DPH6: variants seen among roughly 807,000 people sequenced by gnomAD.
The protein encoded by DPH6 is diphthamine biosynthesis 6.
A neutral mutation model predicts 38.2 loss-of-function variants in DPH6; 33 were observed. The ratio of observed to expected loss-of-function variants is 0.86; its 90% CI spans 0.65 to 1.15. DPH6 has a LOEUF of 1.15. DPH6 is among the 50% of genes most tolerant of loss of function. DPH6 has a pLI of 0.00. For missense variants in DPH6, 325 were observed against 320.0 expected, an observed-to-expected ratio of 1.02 and a Z score of -0.12; for synonymous variants, 108 against 103.0, an observed-to-expected ratio of 1.05 and a Z score of -0.30.
At chr15:35,212,066 G>C in the DPH6 span, among the ~76,000 whole-genome samples, 1 of 152,300 alleles carries the variant, frequency 6.6e-6, no homozygotes, top group African/African-American at 2.4e-5. Flanking sequence ...TGAGTGTTTT[G>C]AAATATGGAC....
intron 5 of DPH6, among the ~76,000 whole-genome samples, chr15:35,428,710 T>C (rs1032731382): frequency 2.6e-5 from 4 of 152,118 alleles, no homozygotes; most frequent in Non-Finnish European, 4.4e-5. Context: ...TCAAACATTG[T>C]GAATTGCTAT....
chr15:35,471,005 G>A (rs1157112566), intron 3 of DPH6, among the ~76,000 whole-genome samples: 4 of 151,996 alleles, frequency 2.6e-5, no homozygotes, highest in Non-Finnish European at 5.9e-5. Context: ...GAGTTAAAAA[G>A]CTCAGCTTTA....
At chr15:35,481,525 C>A (rs1284618616) in intron 3 of DPH6, among the ~76,000 whole-genome samples, 1 of 151,926 alleles carries the variant, frequency 6.6e-6, no homozygotes, top group African/African-American at 2.4e-5. Context: ...ATCTGTAAAA[C>A]AATTTAAAAT....
chr15:35,265,876 T>A (rs2051780981), intron 3 of DPH6, among the ~76,000 whole-genome samples: 2 of 152,208 alleles, frequency 1.3e-5, no homozygotes, highest in Non-Finnish European at 2.9e-5. Flanking sequence ...CATTATAGTG[T>A]CACTGATTCA....
At chr15:35,484,077 A>G (rs2141156433) in intron 3 of DPH6, among the ~76,000 whole-genome samples, 1 of 152,346 alleles carries the variant, frequency 6.6e-6, no homozygotes. Flanking sequence ...AATTGTGGAC[A>G]TGATGGCACA....
intron 3 of DPH6, among the ~76,000 whole-genome samples, chr15:35,350,345 G>T (rs2052499379): frequency 7.0e-6 from 1 of 142,512 alleles, no homozygotes. Flanking sequence ...TCTTAGTCTA[G>T]CTAAGGGTTT....
chr15:35,390,147 C>CT (rs2053033459), intron 6 of DPH6, among the ~76,000 whole-genome samples: 1 of 152,128 alleles, frequency 6.6e-6, no homozygotes, highest in African/African-American at 2.4e-5. Flanking sequence ...AAATTCTTTT[C>CT]TTTAAGAATG....
intron 1 of DPH6, among the ~76,000 whole-genome samples, chr15:35,543,888 G>A (rs2055302513): frequency 6.6e-6 from 1 of 152,204 alleles, no homozygotes; most frequent in South Asian, 2.1e-4. Context: ...ATTAAAGACT[G>A]AAGGGTGTGC....
chr15:35,281,104 C>A (rs1053110603), intron 3 of DPH6, among the ~76,000 whole-genome samples: 2 of 151,982 alleles, frequency 1.3e-5, no homozygotes, highest in African/African-American at 4.8e-5. Context: ...TCTCTCCCCC[C>A]TCCCCCCACA....
At chr15:35,419,068 T>TACAC (rs145718698) in intron 5 of DPH6, among the ~76,000 whole-genome samples, 1,941 of 145,030 alleles carry the variant, frequency 0.013, 20 homozygotes, top group African/African-American at 0.022. Flanking sequence ...CACACACACA[T>TACAC]ACACACACAC....
intron 3 of DPH6, among the ~76,000 whole-genome samples, chr15:35,533,151 C>T (rs748399877): frequency 1.3e-5 from 2 of 151,160 alleles, no homozygotes; most frequent in African/African-American, 2.4e-5. Flanking sequence ...CAAGTTGAAA[C>T]CCACACATTT....
chr15:35,369,617 A>G (rs2140917582), downstream of DPH6, among the ~76,000 whole-genome samples: 1 of 139,480 alleles, frequency 7.2e-6, no homozygotes, highest in East Asian at 2.1e-4. Context: ...AAAGCCTGTT[A>G]TATGAAAAAA....
intron 6 of DPH6, among the ~76,000 whole-genome samples, chr15:35,398,353 C>T (rs951558913): frequency 1.3e-5 from 2 of 152,104 alleles, no homozygotes; most frequent in Non-Finnish European, 2.9e-5. Flanking sequence ...AACTTATAGC[C>T]CTATCCCCTA....
At chr15:35,386,406 C>T (rs1352059683) in intron 6 of DPH6, among the ~76,000 whole-genome samples, 1 of 152,204 alleles carries the variant, frequency 6.6e-6, no homozygotes, top group East Asian at 1.9e-4. Context: ...AGTTCTAGAT[C>T]CCTGAGGAGT....
intron 5 of DPH6, among the ~76,000 whole-genome samples, chr15:35,437,308 T>TCTTTTTC (rs1053183268): frequency 6.6e-6 from 1 of 152,138 alleles, no homozygotes; most frequent in Non-Finnish European, 1.5e-5. Flanking sequence ...AAAAATGTCT[T>TCTTTTTC]CTTTTTCCTT....
intron 3 of DPH6, among the ~76,000 whole-genome samples, chr15:35,482,192 T>A (rs912641393): frequency 6.6e-6 from 1 of 152,150 alleles, no homozygotes; most frequent in African/African-American, 2.4e-5. Flanking sequence ...GCAAACGAAC[T>A]GAAAAAACCA....
chr15:35,240,580 C>A lies in DPH6; in HGVS notation n.201-19998G>T, dbSNP rs572881284. ...TTTCATTCTGTGACTAGCCCTCCCC[C>A]ACCTGCCCAGCAATTTACTCTTAAA... On this transcript the variant is annotated intron_variant and non_coding_transcript_variant, in intron 3 of 3. Coordinates refer to the DPH6 transcript ENST00000560386. Among the ~76,000 whole-genome samples, 3 of 143,758 alleles carry A rather than the reference C, an allele frequency of 2.1e-5. 1 individual carries two copies. Among genetic ancestry groups the A allele is most frequent in the Non-Finnish European group, 4.6e-5 (3 of 65,538 alleles). 94.3% of individuals were successfully genotyped at this position (143,758 alleles called of 152,430 possible). A position where few individuals can be genotyped will look rare whatever the true frequency, so the allele number is the denominator to read the frequency against.
intron 3 of DPH6, among the ~76,000 whole-genome samples, chr15:35,359,963 A>T (rs2052599791): frequency 6.6e-6 from 1 of 151,570 alleles, no homozygotes; most frequent in African/African-American, 2.4e-5. Context: ...AGCTTATTAA[A>T]CTTCTTTAAA....
At position 35,450,719 on chromosome 15, in the gene DPH6, G is replaced by A. The variant is rs1384415998; in HGVS notation, c.471C>T (p.Asn157=). The change falls in exon 5 of 9, where the codon AAC becomes AAT. Residue 157 remains asparagine, a synonymous_variant. Coordinates refer to ENST00000256538, the MANE Select transcript of DPH6 (RefSeq NM_080650.4). ...CTACTTTGATGATCATTGCTTGAAT[G>A]TTAGATGATATCATCTCTCTGAGCA... is the stretch of plus-strand genomic sequence containing the variant. The part of the protein sequence containing the change: ...EDLLREMISS[N]IQAMIIKVAA... 1.2e-6 allele frequency: 2 copies of A among 1,613,212 alleles called. No homozygotes were observed. The highest frequency in any genetic ancestry group is 1.7e-6 in the Non-Finnish European group (2 of 1,179,602).
Sources: allele counts gnomAD v4.1 joint callset (sites outside exome capture counted in the v4.1 genomes callset), GRCh38; gene constraint gnomAD v4.1.1; transcripts MANE v1.5; gene names NCBI Gene and HGNC (gene_info 2026-07-23, HGNC 2026-07-21).